Variants in G2E3 observed in about 807,000 individuals in gnomAD.
G2E3 encodes the protein G2/M phase-specific E3 ubiquitin-protein ligase.
In G2E3, 35 loss-of-function variants were observed where a neutral mutation model predicts 92.8. The observed-to-expected ratio is 0.38, with a 90% CI of 0.29 to 0.50. G2E3 has a LOEUF of 0.50. G2E3 is among the 20% of genes least tolerant of loss of function. The pLI is 0.94. For synonymous variants in G2E3, 242 were observed against 272.4 expected (o/e 0.89, Z 1.10); for missense variants, 554 against 823.8 (o/e 0.67, Z 4.01).
chr14:30,566,974 A>G (rs1879475899), intron 1 of G2E3, among the ~76,000 whole-genome samples: 1 of 152,132 alleles, frequency 6.6e-6, no homozygotes, highest in South Asian at 2.1e-4. Context: ...TTAGTATGGT[A>G]TATTATATTG....
Position 30,589,536 on chromosome 14 carries a change from G to T in G2E3, c.237+52G>T. 6 of 914,832 alleles carry T rather than the reference G, an allele frequency of 6.6e-6. No homozygotes were observed. The South Asian group carries it at 9.5e-5, about 14-fold the overall frequency. The allele number at this position is 914,832 out of a possible 1,614,324, so 56.7% of individuals were successfully genotyped here. A position where few individuals can be genotyped will look rare whatever the true frequency, so the allele number is the denominator to read the frequency against. On this transcript the variant is annotated intron_variant, in intron 4 of 14. Coordinates refer to ENST00000206595, the MANE Select transcript of G2E3 (RefSeq NM_017769.5). ...AATGTCATAAATATTGTCAATACTTGGGAAGTCTTTTCTATCAGTTTCTGT... is the reference window on the plus strand; with the variant it reads ...AATGTCATAAATATTGTCAATACTTTGGAAGTCTTTTCTATCAGTTTCTGT...
intron 1 of G2E3, among the ~76,000 whole-genome samples, chr14:30,562,399 A>T (rs999078943): frequency 6.6e-6 from 1 of 152,134 alleles, no homozygotes; most frequent in Non-Finnish European, 1.5e-5. Context: ...CAGAGATAGG[A>T]GCTGAGGGGA....
chr14:30,607,971 T>C lies in G2E3; in HGVS notation c.1402T>C (p.Ser468Pro), dbSNP rs1399362418. 1 of 1,607,562 alleles carries C rather than the reference T, an allele frequency of 6.2e-7. No individual in the cohort carries two copies. The highest frequency in any genetic ancestry group is 1.7e-5 in the Admixed American group (1 of 58,294). ...VHGGPSPGFF[S>P]KTLFNCLVYG... is the part of the protein sequence containing the mutation. Reference sequence around the variant, plus strand: ...CGGTGGTCCTTCACCTGGTTTCTTTTCTAAAACCTTGTTTAACTGCCTTGT... The same window carrying C: ...CGGTGGTCCTTCACCTGGTTTCTTTCCTAAAACCTTGTTTAACTGCCTTGT... The change falls in exon 12 of 15, where the codon TCT (serine) becomes CCT (proline). Residue 468 changes from serine to proline, a missense_variant. By Grantham distance (74) the Ser-to-Pro change is moderately conservative (BLOSUM62 -1). Around this residue, in one of 3 missense-constraint regions of G2E3, gnomAD observed 397 missense variants for 560.3 expected, o/e 0.71. Transcript: ENST00000206595.
intron 2 of G2E3, among the ~76,000 whole-genome samples, chr14:30,584,572 TGTGA>T (rs556969264): frequency 3.2e-4 from 48 of 152,348 alleles, no homozygotes; most frequent in African/African-American, 1.1e-3. Context: ...CAGCTATCCT[TGTGA>T]GTGTGAAGTG....
rs1238613845 is a variant in G2E3, at chr14:30,619,156, G to A, written c.*2622G>A. The A allele has an allele frequency of 6.6e-6, 1 of 152,002 alleles. No individual in the cohort carries two copies. Among genetic ancestry groups the A allele is most frequent in the Non-Finnish European group, 1.5e-5 (1 of 67,904 alleles). The allele number at this position is 152,002 out of a possible 1,614,324, so 9.4% of individuals were successfully genotyped here. A position where few individuals can be genotyped will look rare whatever the true frequency, so the allele number is the denominator to read the frequency against. On this transcript the variant is annotated 3_prime_UTR_variant, in exon 15 of 15. Transcript: ENST00000206595. ...CCAGAAACTTACAATTTTATACTTT[G>A]TAATTTTTAGTTTCTGTAATTTGAG...
At chr14:30,567,486 C>G (rs985180267) in intron 1 of G2E3, among the ~76,000 whole-genome samples, 4 of 151,920 alleles carry the variant, frequency 2.6e-5, no homozygotes, top group African/African-American at 9.7e-5. Context: ...TGTATTAGGT[C>G]TGTAGCAGTG....
intron 10 of G2E3, among the ~76,000 whole-genome samples, chr14:30,604,368 G>A (rs1881723442): frequency 6.6e-6 from 1 of 152,228 alleles, no homozygotes; most frequent in Non-Finnish European, 1.5e-5. Context: ...ACTTGGTATG[G>A]AAAATGATCC....
chr14:30,564,223 A>G (rs1228051886), intron 1 of G2E3, among the ~76,000 whole-genome samples: 2 of 152,246 alleles, frequency 1.3e-5, no homozygotes, highest in South Asian at 2.1e-4. Flanking sequence ...AGTTATCACA[A>G]ATAAAGTTTC....
chr14:30,590,557 A>T (rs1880948041), intron 4 of G2E3: 1 of 398,746 alleles, frequency 2.5e-6, no homozygotes, highest in African/African-American at 2.1e-5. Flanking sequence ...GGATGGAAAA[A>T]TAAGCAGCTT....
intron 9 of G2E3, 35 bp from the exon 10 acceptor site, chr14:30,601,964 C>G (rs201124698): frequency 1.6e-5 from 26 of 1,604,838 alleles, no homozygotes; most frequent in Middle Eastern, 3.3e-4. Context: ...TTACCTATAT[C>G]TCTATTATGC....
chr14:30,579,185 CAATA>C (rs1880290178), intron 1 of G2E3, among the ~76,000 whole-genome samples: 2 of 152,084 alleles, frequency 1.3e-5, no homozygotes, highest in African/African-American at 4.8e-5. Flanking sequence ...ATCCAAGAGA[CAATA>C]AAGGAGTGCT....
chr14:30,588,732 C>G lies in G2E3; in HGVS notation c.136-651C>G, dbSNP rs141849560. The stretch of plus-strand genomic sequence containing the variant: ...TTGCCTAGGGTTCCAGAAGTTTCAG[C>G]AGAGCCTGGCTTGCAAGCCAGGATT... On this transcript the variant is annotated intron_variant, in intron 3 of 14. Transcript: ENST00000206595. Among the ~76,000 whole-genome samples, 100 of 152,240 alleles carry G rather than the reference C, an allele frequency of 6.6e-4. 1 individual carries two copies. In the East Asian group the frequency reaches 0.018, roughly 27 times the overall value.
At chr14:30,579,717 A>G (rs60825630) in intron 1 of G2E3, among the ~76,000 whole-genome samples, 5,303 of 152,266 alleles carry the variant, frequency 0.035, 126 homozygotes, top group Middle Eastern at 0.061. Flanking sequence ...TCACTCAGTT[A>G]TGGGTTAGTG....
chr14:30,565,208 A>G (rs1371083041), intron 1 of G2E3, among the ~76,000 whole-genome samples: 1 of 152,128 alleles, frequency 6.6e-6, no homozygotes, highest in East Asian at 1.9e-4. Flanking sequence ...TGTGGCTTTG[A>G]TTTACTTATC....
At chr14:30,577,530 G>C (rs73264321) in intron 1 of G2E3, among the ~76,000 whole-genome samples, 2,547 of 152,226 alleles carry the variant, frequency 0.017, 93 homozygotes, top group African/African-American at 0.058. Flanking sequence ...GGCTTGATTG[G>C]GGCTGGAGGA....
At position 30,619,865 on chromosome 14, in the gene G2E3, T is replaced by A. The variant is rs1882482392; in HGVS notation, c.*3331T>A. ...TAAACTGCCTATTTAAACTAAGTAA[T>A]TTTTTGGGATTTAATAAGATTAAGA... On this transcript the variant is annotated 3_prime_UTR_variant, in exon 15 of 15. Transcript: ENST00000206595. The A allele has an allele frequency of 6.6e-6, 1 of 152,134 alleles. No individual in the cohort carries two copies. Among genetic ancestry groups the A allele is most frequent in the Non-Finnish European group, 1.5e-5 (1 of 68,000 alleles). The allele number at this position is 152,134 out of a possible 1,614,324, so 9.4% of individuals were successfully genotyped here. A position where few individuals can be genotyped will look rare whatever the true frequency, so the allele number is the denominator to read the frequency against.
rs755477670 is a variant in G2E3 at position 30,577,118 on chromosome 14, G to A, written c.-4-3958G>A. Among the ~76,000 whole-genome samples, 19 of 151,492 alleles carry A rather than the reference G, an allele frequency of 1.3e-4. 1 individual carries two copies. Among genetic ancestry groups the A allele is most frequent in the South Asian group, 2.1e-4 (1 of 4,796 alleles). ...CGTATGCCTGTAGTCCCAGCTACTC[G>A]GGAGGCTGAGGCAGGAGAATCACTT... On this transcript the variant is annotated intron_variant, in intron 1 of 14. Transcript: ENST00000206595.
intron 6 of G2E3, among the ~76,000 whole-genome samples, chr14:30,594,168 A>G (rs1367654052): frequency 6.6e-6 from 1 of 152,202 alleles, no homozygotes; most frequent in Non-Finnish European, 1.5e-5. Flanking sequence ...TTTCAAGTAA[A>G]TAGAATATGA....
intron 3 of G2E3, among the ~76,000 whole-genome samples, chr14:30,587,534 G>T (rs1880778813): frequency 6.6e-6 from 1 of 152,270 alleles, no homozygotes. Context: ...GTATCTGAGG[G>T]TCAGGAATTT....
Sources: gnomAD v4.1 joint callset for allele counts (sites outside exome capture counted in the v4.1 genomes callset) on GRCh38, gnomAD v4.1.1 for gene constraint, gnomAD v4.1.1 regional missense constraint, MANE v1.5 for transcripts, NCBI Gene and HGNC (gene_info 2026-07-23, HGNC 2026-07-21) for gene names.